The following BRIP1 variants were observed in gnomAD, a reference collection of about 807,000 sequenced individuals.
BRIP1 encodes BRCA1 interacting DNA helicase 1, also known as Fanconi anemia group J protein.
In BRIP1, 88 loss-of-function variants were observed where a neutral mutation model predicts 119.7. That is an observed-to-expected ratio of 0.74 (90% CI 0.62 to 0.88). BRIP1 has a LOEUF of 0.88. Ranked by LOEUF, BRIP1 falls within the 40% of genes least tolerant of loss-of-function variation. The pLI, the probability that BRIP1 is intolerant of heterozygous loss-of-function variation, is 0.00. For synonymous variants in BRIP1, 443 were observed against 496.5 expected (o/e 0.89, Z 1.43); for missense variants, 1,259 against 1,455.4 (o/e 0.87, Z 2.20).
intron 16 of BRIP1, among the ~76,000 whole-genome samples, chr17:61,719,141 T>C (rs1311799353): frequency 6.6e-6 from 1 of 152,010 alleles, no homozygotes; most frequent in Non-Finnish European, 1.5e-5. Flanking sequence ...GTGGAGTTAC[T>C]TTCTTGAAGG....
In BRIP1 at chr17:61,804,444, G is replaced by A. The variant is rs1298255456; in HGVS notation, c.919-2970C>T. Among the ~76,000 whole-genome samples, 1 of 131,392 alleles carries A rather than the reference G, an allele frequency of 7.6e-6. No individual in the cohort carries two copies. Among genetic ancestry groups the A allele is most frequent in the African/African-American group, 3.1e-5 (1 of 32,082 alleles). The allele number at this position is 131,392 out of a possible 152,430, so 86.2% of individuals were successfully genotyped here. ...TGTGTGTGTGTGTGTGTGTGTGTGT[G>A]TGTATGTGTGTGTACATACACATAC... On this transcript the variant is annotated intron_variant, in intron 7 of 19. Coordinates refer to ENST00000259008, the MANE Select transcript of BRIP1 (RefSeq NM_032043.3). The surrounding 1 kb of genome is among the most constrained non-coding windows in gnomAD (Gnocchi z 4.5).
chr17:61,780,533 G>C lies in BRIP1; in HGVS notation c.1795-132C>G. ...GCTTGAGTCTAGGAGTCTGAGACCAGCCTGGGCAATATGGTGAAACCCCGT... is the reference window on the plus strand; with the variant it reads ...GCTTGAGTCTAGGAGTCTGAGACCACCCTGGGCAATATGGTGAAACCCCGT... On this transcript the variant is annotated intron_variant, in intron 12 of 19. Coordinates refer to ENST00000259008, the MANE Select transcript of BRIP1 (RefSeq NM_032043.3). This position sits in a 1 kb window ranked among gnomAD's most constrained non-coding sequence, Gnocchi z 5.4. The C allele has an allele frequency of 1.2e-6, 1 of 852,696 alleles. No individual in the cohort carries two copies. Among genetic ancestry groups the C allele is most frequent in the Admixed American group, 2.2e-5 (1 of 45,756 alleles). 52.8% of individuals were successfully genotyped at this position (852,696 alleles called of 1,614,324 possible). A position where few individuals can be genotyped will look rare whatever the true frequency, so the allele number is the denominator to read the frequency against.
Position 61,827,665 on chromosome 17 carries a change from A to G in BRIP1, c.628-18908T>C, listed in dbSNP as rs2078430668. 6.6e-6 allele frequency among the ~76,000 whole-genome samples: 1 copy of G among 152,122 alleles called. No individual in the cohort carries two copies. Among genetic ancestry groups the G allele is most frequent in the Admixed American group, 6.6e-5 (1 of 15,262 alleles). On this transcript the variant is annotated intron_variant, in intron 6 of 19. Transcript: ENST00000259008. This position sits in a 1 kb window ranked among gnomAD's most constrained non-coding sequence, Gnocchi z 5.8. The stretch of plus-strand genomic sequence containing the variant: ...GACTGCTTGATCCTGGGAGGCGGAC[A>G]CTGCAGTCAGCTGAGATAGTGCCAC...
Position 61,693,609 on chromosome 17 carries a change from A to G in BRIP1, c.2493-97T>C, listed in dbSNP as rs2061480966. 6 of 998,964 alleles carry G rather than the reference A, an allele frequency of 6.0e-6. No individual in the cohort carries two copies. The South Asian group carries it at 8.0e-5, about 13-fold the overall frequency. The allele number at this position is 998,964 out of a possible 1,614,324, so 61.9% of individuals were successfully genotyped here. A position where few individuals can be genotyped will look rare whatever the true frequency, so the allele number is the denominator to read the frequency against. ...AGAAAATTGGAAAAAAATCAATTTT[A>G]TAGATTCCTTTAAACAATTTGTTAT... is the stretch of plus-strand genomic sequence containing the variant. On this transcript the variant is annotated intron_variant, in intron 17 of 19. Coordinates refer to ENST00000259008, the MANE Select transcript of BRIP1 (RefSeq NM_032043.3). This position sits in a 1 kb window ranked among gnomAD's most constrained non-coding sequence, Gnocchi z 4.2.
At position 61,757,817 on chromosome 17, in the gene BRIP1, T is replaced by C. The variant is rs1185614209; in HGVS notation, c.2098-13226A>G. On this transcript the variant is annotated intron_variant, in intron 14 of 19. Transcript: ENST00000259008. This position sits in a 1 kb window ranked among gnomAD's most constrained non-coding sequence, Gnocchi z 4.3. ...GATTTCAAGACCAGCCTGGGCAACATGGCTAAACCCCATCTCTACAAAAAA... is the reference window on the plus strand; with the variant it reads ...GATTTCAAGACCAGCCTGGGCAACACGGCTAAACCCCATCTCTACAAAAAA... Among the ~76,000 whole-genome samples, 6 of 151,850 alleles carry C rather than the reference T, an allele frequency of 4.0e-5. No homozygotes were observed. Among genetic ancestry groups the C allele is most frequent in the African/African-American group, 1.5e-4 (6 of 41,368 alleles).
In BRIP1 at chr17:61,776,535, G is replaced by A. The variant is rs753036322; in HGVS notation, c.1963C>T (p.Pro655Ser). The change falls in exon 14 of 20, where the codon CCC becomes TCC. Residue 655 changes from proline (P) to serine (S), a missense_variant. Around this residue, in one of 3 missense-constraint regions of BRIP1, gnomAD observed 753 missense variants for 891.8 expected, o/e 0.84. Transcript: ENST00000259008. This position sits in a 1 kb window ranked among gnomAD's most constrained non-coding sequence, Gnocchi z 5.0. ...QVWVGTIGSG[P>S]KGRNLCATFQ... is the part of the protein sequence containing the mutation. Reference sequence around the variant, plus strand: ...GTAGCACAGAGATTCCGACCCTTGGGGCCTGACCCAATGGTACCAACCCAA... The same window carrying A: ...GTAGCACAGAGATTCCGACCCTTGGAGCCTGACCCAATGGTACCAACCCAA... The A allele has an allele frequency of 4.3e-6, 7 of 1,613,954 alleles. No homozygotes were observed. The highest frequency in any genetic ancestry group is 5.1e-6 in the Non-Finnish European group (6 of 1,179,994).
chr17:61,742,168 CA>C lies in BRIP1; in HGVS notation c.2379+844del, dbSNP rs753115361. Among the ~76,000 whole-genome samples the C allele has an allele frequency of 7.9e-5, 12 of 152,224 alleles. No individual in the cohort carries two copies. Among genetic ancestry groups the C allele is most frequent in the Non-Finnish European group, 1.5e-4 (10 of 68,048 alleles). ...CTCATGAAACAACCTCTGCTAGCTTCAAACTTTTCTGCAGCCTCCTCACCTC... is the reference window on the plus strand; with the variant it reads ...CTCATGAAACAACCTCTGCTAGCTTCAACTTTTCTGCAGCCTCCTCACCTC... On this transcript the variant is annotated intron_variant, in intron 16 of 19. Transcript: ENST00000259008. The surrounding 1 kb of genome is among the most constrained non-coding windows in gnomAD (Gnocchi z 4.7).
Position 61,680,476 on chromosome 17 carries a change from A to ATTTT in BRIP1, c.*2819_*2820insAAAA, listed in dbSNP as rs551338531. Among the ~76,000 whole-genome samples the ATTTT allele has an allele frequency of 2.7e-4, 20 of 74,652 alleles. No individual in the cohort carries two copies. Among genetic ancestry groups the ATTTT allele is most frequent in the East Asian group, 7.2e-4 (1 of 1,390 alleles). The allele number at this position is 74,652 out of a possible 152,430, so 49.0% of individuals were successfully genotyped here. A position where few individuals can be genotyped will look rare whatever the true frequency, so the allele number is the denominator to read the frequency against. On this transcript the variant is annotated 3_prime_UTR_variant, in exon 20 of 20. Coordinates refer to ENST00000259008, the MANE Select transcript of BRIP1 (RefSeq NM_032043.3). ...ATGTAGTTTACCAATTCTAAAGGTA[A>ATTTT]TTTCTTTTTTTTTTTTTTTTTGAGA...
rs2078052852 is a variant in BRIP1 at position 61,804,968 on chromosome 17, G to A, written c.919-3494C>T. 7.1e-6 allele frequency among the ~76,000 whole-genome samples: 1 copy of A among 141,374 alleles called. No homozygotes were observed. The highest frequency in any genetic ancestry group is 2.6e-5 in the African/African-American group (1 of 38,654). The allele number at this position is 141,374 out of a possible 152,430, so 92.7% of individuals were successfully genotyped here. A position where few individuals can be genotyped will look rare whatever the true frequency, so the allele number is the denominator to read the frequency against. On this transcript the variant is annotated intron_variant, in intron 7 of 19. Coordinates refer to ENST00000259008, the MANE Select transcript of BRIP1 (RefSeq NM_032043.3). This position sits in a 1 kb window ranked among gnomAD's most constrained non-coding sequence, Gnocchi z 4.5. ...TCTCTCTCTTTCTGTGTGTGTGTGT[G>A]TGTGTGTGTGTGTGTGTGTGTGTGT...
rs2078130112 is a variant in BRIP1 at position 61,809,538 on chromosome 17, T to C, written c.628-781A>G. Reference sequence around the variant, plus strand: ...CATCAGGAATATAGTCTACTTAATTTACCTGATTTTTCTCTTCTGTTTCCA... The same window carrying C: ...CATCAGGAATATAGTCTACTTAATTCACCTGATTTTTCTCTTCTGTTTCCA... On this transcript the variant is annotated intron_variant, in intron 6 of 19. Coordinates refer to ENST00000259008, the MANE Select transcript of BRIP1 (RefSeq NM_032043.3). This position sits in a 1 kb window ranked among gnomAD's most constrained non-coding sequence, Gnocchi z 5.2. Among the ~76,000 whole-genome samples, 1 of 152,118 alleles carries C rather than the reference T, an allele frequency of 6.6e-6. No individual in the cohort carries two copies. The highest frequency in any genetic ancestry group is 1.5e-5 in the Non-Finnish European group (1 of 68,002).
chr17:61,822,775 A>C lies in BRIP1; in HGVS notation c.628-14018T>G, dbSNP rs2078345839. On this transcript the variant is annotated intron_variant, in intron 6 of 19. Transcript: ENST00000259008. This position sits in a 1 kb window ranked among gnomAD's most constrained non-coding sequence, Gnocchi z 4.4. ...TGGGGAAAAGTTTGTGTTTAAAAAA[A>C]AAAAGGCCCTGTATGACTAATATGG... Among the ~76,000 whole-genome samples the C allele has an allele frequency of 6.6e-6, 1 of 152,178 alleles. No homozygotes were observed. Among genetic ancestry groups the C allele is most frequent in the Non-Finnish European group, 1.5e-5 (1 of 68,034 alleles).
rs1603342334 is a variant in BRIP1 at position 61,799,276 on chromosome 17, C to A, written c.1164G>T (p.Gln388His). 2 of 1,612,854 alleles carry A rather than the reference C, an allele frequency of 1.2e-6. No homozygotes were observed. The highest frequency in any genetic ancestry group is 1.7e-6 in the Non-Finnish European group (2 of 1,179,128). Residue 388 changes from glutamine (Q) to histidine (H), a missense_variant, in exon 9 of 20, where the codon CAG (glutamine) becomes CAT (histidine). This residue lies in a region of BRIP1 where 501 missense variants were observed against 544.0 expected (regional missense o/e 0.92). Transcript: ENST00000259008. This position sits in a 1 kb window ranked among gnomAD's most constrained non-coding sequence, Gnocchi z 5.1. ...RESMDLNLKE[Q>H]VVILDEAHNI... ...TATGAGCTTCATCTAAAATGACAAC[C>A]TGTTCTTTCAGATTTAAATCCATCT...
At chr17:61,716,683 T>C (rs558793659) in intron 16 of BRIP1, among the ~76,000 whole-genome samples, 18 of 151,464 alleles carry the variant, frequency 1.2e-4, no homozygotes, top group African/African-American at 4.4e-4. Flanking sequence ...ATTGTTATGA[T>C]TGGGTTTAAG....
In BRIP1 at chr17:61,740,881, T is replaced by C. The variant is rs969433484; in HGVS notation, c.2379+2132A>G. Among the ~76,000 whole-genome samples, 3 of 152,118 alleles carry C rather than the reference T, an allele frequency of 2.0e-5. No homozygotes were observed. Among genetic ancestry groups the C allele is most frequent in the Non-Finnish European group, 2.9e-5 (2 of 68,016 alleles). On this transcript the variant is annotated intron_variant, in intron 16 of 19. Transcript: ENST00000259008. This position sits in a 1 kb window ranked among gnomAD's most constrained non-coding sequence, Gnocchi z 5.4. Reference sequence around the variant, plus strand: ...CTGATCAGGGTGGTGGTTGCTAACGTTGGAGTGGCTGTGGCAATTTCTTAA... The same window carrying C: ...CTGATCAGGGTGGTGGTTGCTAACGCTGGAGTGGCTGTGGCAATTTCTTAA...
intron 6 of BRIP1, among the ~76,000 whole-genome samples, chr17:61,836,480 T>C (rs1450901340): frequency 6.6e-6 from 1 of 152,192 alleles, no homozygotes; most frequent in Non-Finnish European, 1.5e-5. Context: ...CCCTCTTAGG[T>C]ATAAGGATCT....
chr17:61,723,758 C>T (rs1044380831), intron 16 of BRIP1, among the ~76,000 whole-genome samples: 10 of 152,034 alleles, frequency 6.6e-5, no homozygotes, highest in African/African-American at 1.9e-4. Flanking sequence ...GCTTCCCATC[C>T]CCAATAAATT....
At chr17:61,765,501 T>C (rs1376420643) in intron 14 of BRIP1, among the ~76,000 whole-genome samples, 1 of 133,668 alleles carries the variant, frequency 7.5e-6, no homozygotes, top group East Asian at 2.4e-4. Flanking sequence ...CATGGCGTGA[T>C]CTTGGCTCAC....
rs2061311430 is a variant in BRIP1, at chr17:61,683,720, C to T, written c.3326G>A (p.Ser1109Asn). ...TGAAGTGGACTGTTTATCTTCTTCACTTACTAGAGACAATTCAATGTCTGG... is the reference window on the plus strand; with the variant it reads ...TGAAGTGGACTGTTTATCTTCTTCATTTACTAGAGACAATTCAATGTCTGG... ...LDPDIELSLV[S>N]EEDKQSTSNR... Residue 1109 changes from serine (S) to asparagine (N), a missense_variant, in exon 20 of 20, where the codon AGT becomes AAT. Around this residue, in one of 3 missense-constraint regions of BRIP1, gnomAD observed 753 missense variants for 891.8 expected, o/e 0.84. Transcript: ENST00000259008. This position sits in a 1 kb window ranked among gnomAD's most constrained non-coding sequence, Gnocchi z 4.7. 2 of 1,613,946 alleles carry T rather than the reference C, an allele frequency of 1.2e-6. No individual in the cohort carries two copies. Among genetic ancestry groups the T allele is most frequent in the Non-Finnish European group, 1.7e-6 (2 of 1,179,994 alleles).
At chr17:61,727,518 G>A (rs921039266) in intron 16 of BRIP1, among the ~76,000 whole-genome samples, 2 of 152,096 alleles carry the variant, frequency 1.3e-5, no homozygotes, top group African/African-American at 2.4e-5. Flanking sequence ...TATAATCCCA[G>A]CACTTTGGGA....
Sources: gnomAD v4.1 joint callset for allele counts (sites outside exome capture counted in the v4.1 genomes callset) on GRCh38, gnomAD v4.1.1 for gene constraint, gnomAD v4.1.1 regional missense constraint, Gnocchi (gnomAD v3.1) non-coding constraint, MANE v1.5 for transcripts, NCBI Gene and HGNC (gene_info 2026-07-23, HGNC 2026-07-21) for gene names.